FGA: variants seen among roughly 807,000 people sequenced by gnomAD.
FGA encodes fibrinogen, A alpha polypeptide.
A neutral mutation model predicts 20.3 loss-of-function variants in FGA; 20 were observed. The observed-to-expected ratio is 0.99, with a 90% confidence interval of 0.69 to 1.43. The LOEUF (loss-of-function observed/expected upper bound fraction) is 1.43, where lower values mean the gene tolerates loss of function less well. Among genes scored for constraint, FGA ranks in the 40% most tolerant of loss-of-function variants. FGA has a pLI of 0.00. For missense variants in FGA, 777 were observed against 784.7 expected, an observed-to-expected ratio of 0.99 and a Z score of 0.12; for synonymous variants, 306 against 281.6, an observed-to-expected ratio of 1.09 and a Z score of -0.87.
intron 4 of FGA, among the ~76,000 whole-genome samples, chr4:154,587,177 T>G (rs1730748506): frequency 6.6e-6 from 1 of 152,136 alleles, no homozygotes; most frequent in Non-Finnish European, 1.5e-5. Flanking sequence ...AAGAGTAAGG[T>G]GCTATTCCCT....
chr4:154,584,958 T>G, downstream of FGA: 1 of 832,210 alleles, frequency 1.2e-6, no homozygotes, highest in Non-Finnish European at 2.0e-6. Context: ...CCTCCTTTCC[T>G]TCCCTCCATA....
downstream of FGA, chr4:154,584,197 C>G: frequency 6.2e-7 from 1 of 1,611,560 alleles, no homozygotes; most frequent in Non-Finnish European, 8.5e-7. Flanking sequence ...AAAGGAAACC[C>G]AGACCACTCC....
chr4:154,586,494 C>A lies in FGA; in HGVS notation c.935G>T (p.Ser312Ile), dbSNP rs770335622. ...GGTTGCAGTCCCTCCAGTCCCAGAG[C>A]TCCCAGGGTTTCGGTTTCCAGTACT... ...PGSTGNRNPG[S>I]SGTGGTATWK... is the part of the protein sequence containing the mutation. The change falls in exon 5 of 5, where the codon AGC becomes ATC. Residue 312 changes from serine to isoleucine, a missense_variant. Transcript: ENST00000403106. 6.2e-7 allele frequency: 1 copy of A among 1,613,918 alleles called. No individual in the cohort carries two copies. The highest frequency in any genetic ancestry group is 8.5e-7 in the Non-Finnish European group (1 of 1,179,996).
Position 154,586,817 on chromosome 4 carries a change from A to T in FGA, c.612T>A (p.Leu204=), listed in dbSNP as rs142656598. 3.2e-4 allele frequency: 517 copies of T among 1,614,084 alleles called. No homozygotes were observed. The highest frequency in any genetic ancestry group is 4.0e-4 in the Non-Finnish European group (475 of 1,180,042). The change falls in exon 5 of 5, where the codon CTT becomes CTA. Residue 204 remains leucine, a synonymous_variant. Coordinates refer to ENST00000403106, the MANE Select transcript of FGA (RefSeq NM_021871.4). The part of the protein sequence containing the change: ...LKDYEDQQKQ[L]EQVIAKDLLP... ...GTAAGTCTTTGGCAATGACCTGTTC[A>T]AGTTGCTTCTGCTGATCTTCATAGT...
rs772940343 is a variant in FGA, at chr4:154,586,841, G to C, written c.588C>G (p.Asp196Glu). ...CAAGTTGCTTCTGCTGATCTTCATA[G>C]TCCTTCAGATCTACTTCACGAGCTA... The part of the protein sequence containing the change: ...RALAREVDLK[D>E]YEDQQKQLEQ... The change falls in exon 5 of 5, where the codon GAC becomes GAG. Residue 196 changes from aspartate to glutamate, a missense_variant. By Grantham distance (45) the Asp-to-Glu change is conservative (BLOSUM62 2). Transcript: ENST00000403106. 4 of 1,614,060 alleles carry C rather than the reference G, an allele frequency of 2.5e-6. No homozygotes were observed. The highest frequency in any genetic ancestry group is 3.4e-6 in the Non-Finnish European group (4 of 1,179,980).
rs768620557 is a variant in FGA at position 154,585,935 on chromosome 4, G to A, written c.1494C>T (p.Gly498=). 3.1e-6 allele frequency: 5 copies of A among 1,614,064 alleles called. No homozygotes were observed. The South Asian group carries it at 4.4e-5, about 14-fold the overall frequency. ...CCAGAGTACCTATGCCAGACAATGT[G>A]CCTAAATCCATTGCCTCGGGACAGT... ...GSDCPEAMDL[G]TLSGIGTLDG... is the part of the protein sequence containing the mutation. Residue 498 remains glycine, a synonymous_variant, in exon 5 of 5, where the codon GGC becomes GGT. Coordinates refer to ENST00000403106, the MANE Select transcript of FGA (RefSeq NM_021871.4).
intron 1 of FGA, 138 bp downstream of exon 1, chr4:154,590,496 C>T: frequency 1.3e-6 from 1 of 751,562 alleles, no homozygotes; most frequent in East Asian, 2.7e-5. Context: ...CAAGCCCACC[C>T]AGGAAATTTC....
Position 154,586,221 on chromosome 4 carries a change from G to C in FGA, c.1208C>G (p.Ala403Gly). 6.2e-7 allele frequency: 1 copy of C among 1,614,008 alleles called. No individual in the cohort carries two copies. Among genetic ancestry groups the C allele is most frequent in the East Asian group, 2.2e-5 (1 of 44,876 alleles). Residue 403 changes from alanine to glycine, a missense_variant, in exon 5 of 5, where the codon GCG (alanine) becomes GGG (glycine). Transcript: ENST00000403106. The stretch of plus-strand genomic sequence containing the variant: ...GCCCCAGTCTGGGTTGTTAGGCCTC[G>C]CGTTCCCAGAGCCTGGGCTATCTGG... ...FRPDSPGSGN[A>G]RPNNPDWGTF...
chr4:154,587,810 AAG>A (rs1188405896), intron 3 of FGA, among the ~76,000 whole-genome samples, 153 bp from the exon 4 acceptor site: 2 of 152,102 alleles, frequency 1.3e-5, no homozygotes, highest in Admixed American at 6.5e-5. Flanking sequence ...AAAGAGAAAA[AAG>A]AAAGAAAGAA....
chr4:154,584,665 C>T (rs773021324), downstream of FGA: 8 of 1,613,930 alleles, frequency 5.0e-6, no homozygotes, highest in Non-Finnish European at 5.1e-6. Context: ...TTGCCAGGTC[C>T]GGTTAAAATT....
chr4:154,585,651 T>G lies in FGA; in HGVS notation c.1778A>C (p.Asp593Ala), dbSNP rs1176493764. The G allele has an allele frequency of 6.2e-7, 1 of 1,614,100 alleles. No individual in the cohort carries two copies. Among genetic ancestry groups the G allele is most frequent in the Non-Finnish European group, 8.5e-7 (1 of 1,179,998 alleles). Reference sequence around the variant, plus strand: ...ATAGCTCTTGCTTTCAAATGTGGAGTCTCCTCTGTTGTAACTCGTGCTACT... The same window carrying G: ...ATAGCTCTTGCTTTCAAATGTGGAGGCTCCTCTGTTGTAACTCGTGCTACT... ...FTSSTSYNRG[D>A]STFESKSYKM... Residue 593 changes from aspartate to alanine, a missense_variant, in exon 5 of 5, where the codon GAC (aspartate) becomes GCC (alanine). Coordinates refer to ENST00000403106, the MANE Select transcript of FGA (RefSeq NM_021871.4).
intron 2 of FGA, among the ~76,000 whole-genome samples, 157 bp downstream of exon 2, chr4:154,589,280 G>A (rs1001322608): frequency 2.0e-5 from 3 of 152,142 alleles, no homozygotes; most frequent in Non-Finnish European, 4.4e-5. Flanking sequence ...TAAATAAACA[G>A]TGCTCTTGGG....
chr4:154,584,216 T>C (rs1385825406), downstream of FGA: 2 of 1,608,174 alleles, frequency 1.2e-6, no homozygotes, highest in Non-Finnish European at 1.7e-6. Flanking sequence ...CCATTCTCAA[T>C]CTCATAAGGA....
At chr4:154,590,152 T>C (rs1029934298) in intron 1 of FGA, among the ~76,000 whole-genome samples, 7 of 152,216 alleles carry the variant, frequency 4.6e-5, no homozygotes, top group African/African-American at 1.4e-4. Flanking sequence ...ATTCGTTTGC[T>C]TTTTCTTCTG....
chr4:154,583,973 C>A, downstream of FGA: 1 of 632,258 alleles, frequency 1.6e-6, no homozygotes, highest in East Asian at 3.1e-5. Context: ...ACTAATATGT[C>A]TCAGGTACAT....
intron 1 of FGA, 40 bp from the exon 2 acceptor site, chr4:154,589,602 C>G (rs1486752998): frequency 6.2e-7 from 1 of 1,606,462 alleles, no homozygotes. Flanking sequence ...AGAGCAACAG[C>G]AATGTTAGCC....
intron 1 of FGA, 21 bp downstream of exon 1, chr4:154,590,612 GA>G (rs1436137586): frequency 6.5e-7 from 1 of 1,547,020 alleles, no homozygotes; most frequent in South Asian, 1.2e-5. Flanking sequence ...AAAGCAAGAA[GA>G]AAAAATGAAA....
rs772887890 is a variant in FGA, at chr4:154,586,341, C to A, written c.1088G>T (p.Gly363Val). Residue 363 changes from glycine (G) to valine (V), a missense_variant, in exon 5 of 5, where the codon GGC becomes GTC. Coordinates refer to ENST00000403106, the MANE Select transcript of FGA (RefSeq NM_021871.4). ...CCCAGCACTTCCGCGTTCAGAGCTG[C>A]CAGGATTCCAGGTTCCGGTACTACC... is the stretch of plus-strand genomic sequence containing the variant. Reference protein sequence around the residue: ...RPGSTGTWNPGSSERGSAGHW... With the variant: ...RPGSTGTWNPVSSERGSAGHW... The A allele has an allele frequency of 2.5e-6, 4 of 1,614,180 alleles. 1 individual carries two copies. The highest frequency in any genetic ancestry group is 3.3e-4 in the Middle Eastern group (2 of 6,062).
rs1730731711 is a variant in FGA, at chr4:154,586,691, TG to T, written c.737del (p.Pro246GlnfsTer6). 1.9e-6 allele frequency: 3 copies of T among 1,614,232 alleles called. No individual in the cohort carries two copies. The highest frequency in any genetic ancestry group is 2.5e-6 in the Non-Finnish European group (3 of 1,180,034). ...NFKSQLQKVP[P>X]EWKALTDMPQ... ...GCATGTCTGTTAATGCCTTCCACTCTGGGGGTACCTTCTGAAGCTGGCTCTT... is the reference window on the plus strand; with the variant it reads ...GCATGTCTGTTAATGCCTTCCACTCTGGGGTACCTTCTGAAGCTGGCTCTT... On this transcript the variant is annotated frameshift_variant, in exon 5 of 5. Coordinates refer to ENST00000403106, the MANE Select transcript of FGA (RefSeq NM_021871.4). LOFTEE classifies it low-confidence loss of function (END_TRUNC).
Sources: gnomAD v4.1 joint callset for allele counts (sites outside exome capture counted in the v4.1 genomes callset) on GRCh38, gnomAD v4.1.1 for gene constraint, MANE v1.5 for transcripts, NCBI Gene and HGNC (gene_info 2026-07-23, HGNC 2026-07-21) for gene names.